Variants in GHR observed in about 807,000 individuals in gnomAD.
GHR encodes growth hormone receptor.
Under a neutral mutation model 67.1 loss-of-function variants are expected in GHR, and 35 were observed. That is an observed-to-expected ratio of 0.52 (90% confidence interval 0.40 to 0.69). The LOEUF is 0.69. Among genes scored for constraint, GHR ranks in the 30% least tolerant of loss-of-function variants. GHR has a pLI of 0.00. For missense variants in GHR, 792 were observed against 764.6 expected (o/e 1.04, Z -0.42); for synonymous variants, 272 against 269.1 (o/e 1.01, Z -0.10).
chr5:42,486,582 T>G (rs2112175147), intron 1 of GHR, among the ~76,000 whole-genome samples: 1 of 152,338 alleles, frequency 6.6e-6, no homozygotes, highest in African/African-American at 2.4e-5. Flanking sequence ...GCACGGTGGC[T>G]TACGCCTGTA....
chr5:42,611,980 T>C (rs1445571495), intron 2 of GHR, among the ~76,000 whole-genome samples: 2 of 152,178 alleles, frequency 1.3e-5, no homozygotes, highest in Admixed American at 1.3e-4. Flanking sequence ...GATTGTGGAA[T>C]GTTAGACCCA....
At chr5:42,654,491 T>G (rs754825843) in intron 3 of GHR, among the ~76,000 whole-genome samples, 2 of 152,138 alleles carry the variant, frequency 1.3e-5, no homozygotes, top group Non-Finnish European at 2.9e-5. Context: ...TTGTTTTACG[T>G]CTCACCAAAT....
At chr5:42,613,433 A>T (rs78632900) in intron 2 of GHR, among the ~76,000 whole-genome samples, 1 of 152,244 alleles carries the variant, frequency 6.6e-6, no homozygotes, top group East Asian at 1.9e-4. Context: ...TGTATGTTTG[A>T]TGACTAATTG....
chr5:42,473,873 C>CA (rs532325898), intron 1 of GHR, among the ~76,000 whole-genome samples: 4,819 of 82,984 alleles, frequency 0.058, 100 homozygotes, highest in African/African-American at 0.063. Flanking sequence ...GACTTTGTCT[C>CA]AAAAAAAAAA....
At chr5:42,579,613 T>C (rs1262043777) in intron 2 of GHR, among the ~76,000 whole-genome samples, 2 of 152,208 alleles carry the variant, frequency 1.3e-5, no homozygotes, top group Non-Finnish European at 1.5e-5. Context: ...CATGGTCATA[T>C]TTGAGTGCTT....
intron 1 of GHR, among the ~76,000 whole-genome samples, chr5:42,456,928 C>T (rs950493979): frequency 1.3e-5 from 2 of 152,110 alleles, no homozygotes. Context: ...GGGAGGGAGG[C>T]GGAAGAGGAC....
intron 4 of GHR, among the ~76,000 whole-genome samples, chr5:42,694,344 C>T (rs1757566442): frequency 6.6e-6 from 1 of 152,176 alleles, no homozygotes; most frequent in Non-Finnish European, 1.5e-5. Context: ...CAAAAAACTA[C>T]TCAGATGGGA....
At chr5:42,660,675 A>G (rs1180799916) in intron 3 of GHR, among the ~76,000 whole-genome samples, 3 of 152,220 alleles carry the variant, frequency 2.0e-5, no homozygotes, top group African/African-American at 7.2e-5. Context: ...ACAGAGCAGA[A>G]AAACTGGAAA....
intron 3 of GHR, among the ~76,000 whole-genome samples, chr5:42,632,166 A>G (rs571425522): frequency 1.3e-5 from 2 of 152,228 alleles, no homozygotes; most frequent in South Asian, 4.2e-4. Flanking sequence ...CACCCACCCC[A>G]GCTTGTAAGT....
intron 1 of GHR, among the ~76,000 whole-genome samples, chr5:42,508,210 C>G (rs983836064): frequency 6.6e-6 from 1 of 152,154 alleles, no homozygotes; most frequent in African/African-American, 2.4e-5. Context: ...TGCTGAGGTA[C>G]ATATGTGGTT....
At chr5:42,711,578 A>C (rs905115340) in intron 7 of GHR, among the ~76,000 whole-genome samples, 1 of 152,160 alleles carries the variant, frequency 6.6e-6, no homozygotes, top group Admixed American at 6.5e-5. Flanking sequence ...TTTTTCATTC[A>C]GGAGAAGTCC....
chr5:42,472,934 A>G (rs954116203), intron 1 of GHR, among the ~76,000 whole-genome samples: 3 of 152,160 alleles, frequency 2.0e-5, no homozygotes, highest in African/African-American at 7.2e-5. Context: ...GGTTACTCTA[A>G]ATAATGTTAA....
At chr5:42,619,069 A>G (rs1456585593) in intron 2 of GHR, among the ~76,000 whole-genome samples, 1 of 152,118 alleles carries the variant, frequency 6.6e-6, no homozygotes, top group African/African-American at 2.4e-5. Context: ...CACATACCAC[A>G]TAGCTTAAGG....
At chr5:42,584,252 T>A (rs58960035) in intron 2 of GHR, among the ~76,000 whole-genome samples, 20,156 of 152,260 alleles carry the variant, frequency 0.13, 1,661 homozygotes, top group Middle Eastern at 0.24. Flanking sequence ...ACTAAATTTA[T>A]AGCAAAAGTC....
intron 1 of GHR, chr5:42,514,473 T>TAAA (rs5867591): frequency 2.5e-3 from 476 of 192,776 alleles, no homozygotes; most frequent in South Asian, 5.6e-3. Context: ...GTTCTAGATT[T>TAAA]AAAAAAAAAA....
chr5:42,494,445 C>T (rs1292617443), intron 1 of GHR, among the ~76,000 whole-genome samples: 2 of 152,038 alleles, frequency 1.3e-5, no homozygotes, highest in African/African-American at 2.4e-5. Flanking sequence ...TCCTTGCGTC[C>T]TCTTCTGCTT....
chr5:42,501,648 C>T (rs1228093553), intron 1 of GHR, among the ~76,000 whole-genome samples: 1 of 152,146 alleles, frequency 6.6e-6, no homozygotes, highest in Non-Finnish European at 1.5e-5. Context: ...TAGTGACTTC[C>T]TTCCCCTCAA....
chr5:42,665,837 T>G lies in GHR; in HGVS notation c.137-23053T>G, dbSNP rs558407875. On this transcript the variant is annotated intron_variant, in intron 3 of 9. Transcript: ENST00000230882. ...CCTCACAGTCATGGTAGAGGGTGAA[T>G]GAGGAGCAAAAGCATGTCTTGCATG... 3.3e-5 allele frequency among the ~76,000 whole-genome samples: 5 copies of G among 152,078 alleles called. No individual in the cohort carries two copies. In the South Asian group the frequency reaches 8.3e-4, roughly 25 times the overall value.
intron 1 of GHR, among the ~76,000 whole-genome samples, chr5:42,557,569 G>C (rs1749378415): frequency 6.6e-6 from 1 of 152,078 alleles, no homozygotes. Context: ...TTATTAAAAA[G>C]GGAAAATCTT....
Sources: gnomAD v4.1 joint callset for allele counts (sites outside exome capture counted in the v4.1 genomes callset) on GRCh38, gnomAD v4.1.1 for gene constraint, MANE v1.5 for transcripts, NCBI Gene and HGNC (gene_info 2026-07-23, HGNC 2026-07-21) for gene names.